The following BAHCC1 variants were observed in gnomAD, a reference collection of about 807,000 sequenced individuals.
BAHCC1 encodes BAH and coiled-coil domain-containing protein 1.
In BAHCC1, 43 loss-of-function variants were observed where a neutral mutation model predicts 88.2. That is an observed-to-expected ratio of 0.49 (90% confidence interval 0.38 to 0.63). The LOEUF (loss-of-function observed/expected upper bound fraction) is 0.63, where lower values mean the gene tolerates loss of function less well. Ranked by LOEUF, BAHCC1 falls within the 20% of genes least tolerant of loss-of-function variation. The pLI is 0.00. For missense variants in BAHCC1, 3,023 were observed against 1,654.8 expected (o/e 1.83, Z -14.34); for synonymous variants, 1,510 against 745.5 (o/e 2.03, Z -16.71).
chr17:81,460,374 G>T lies in BAHCC1; in HGVS notation c.6003G>T (p.Leu2001=), dbSNP rs1466811960. The change falls in exon 24 of 28, where the codon CTG becomes CTT. Residue 2001 remains leucine, a synonymous_variant. Coordinates refer to ENST00000675386, the MANE Select transcript of BAHCC1 (RefSeq NM_001377448.1). ...TCGCCGTCTCCAACGTCAGGCTGCT[G>T]CCCCCTGACTTCAAGATCCAGTGTG... ...GHIAVSNVRL[L]PPDFKIQCTE... 3.9e-6 allele frequency: 3 copies of T among 769,588 alleles called. No homozygotes were observed. Among genetic ancestry groups the T allele is most frequent in the Admixed American group, 1.7e-5 (1 of 57,650 alleles). The allele number at this position is 769,588 out of a possible 1,614,324, so 47.7% of individuals were successfully genotyped here.
rs782452028 is a variant in BAHCC1 at position 81,462,007 on chromosome 17, C to G, written c.7344C>G (p.Pro2448=). ...ENRPKISAFL[P]ARQLWKWSGN... ...GGCCAAAGATCTCAGCCTTCCTGCC[C>G]GCCCGGCAGCTCTGGAAGTGGTCGG... Residue 2448 remains proline, a synonymous_variant, in exon 26 of 28, where the codon CCC becomes CCG. Coordinates refer to ENST00000675386, the MANE Select transcript of BAHCC1 (RefSeq NM_001377448.1). The G allele has an allele frequency of 2.6e-6, 2 of 778,128 alleles. No individual in the cohort carries two copies. The highest frequency in any genetic ancestry group is 2.4e-5 in the East Asian group (1 of 41,222). The allele number at this position is 778,128 out of a possible 1,614,324, so 48.2% of individuals were successfully genotyped here. A position where few individuals can be genotyped will look rare whatever the true frequency, so the allele number is the denominator to read the frequency against.
rs782442860 is a variant in BAHCC1, at chr17:81,460,933, C to T, written c.6270C>T (p.Arg2090=). 3.1e-5 allele frequency: 24 copies of T among 769,832 alleles called. No homozygotes were observed. Among genetic ancestry groups the T allele is most frequent in the Non-Finnish European group, 5.7e-5 (24 of 417,886 alleles). 47.7% of individuals were successfully genotyped at this position (769,832 alleles called of 1,614,324 possible). A position where few individuals can be genotyped will look rare whatever the true frequency, so the allele number is the denominator to read the frequency against. Reference sequence around the variant, plus strand: ...GGGCCTCCGACCACTTCCTGGGCCGCCGTGGCAGCCCCTTGCTGAGCTGGT... The same window carrying T: ...GGGCCTCCGACCACTTCCTGGGCCGTCGTGGCAGCCCCTTGCTGAGCTGGT... The part of the protein sequence containing the change: ...PTGASDHFLG[R]RGSPLLSWSA... Residue 2090 remains arginine, a synonymous_variant, in exon 26 of 28, where the codon CGC becomes CGT. Coordinates refer to ENST00000675386, the MANE Select transcript of BAHCC1 (RefSeq NM_001377448.1).
At position 81,452,704 on chromosome 17, in the gene BAHCC1, TC is replaced by T. The variant is rs567660719; in HGVS notation, c.4317-13del. 2.0e-5 allele frequency: 15 copies of T among 737,116 alleles called. No homozygotes were observed. Among genetic ancestry groups the T allele is most frequent in the Admixed American group, 5.8e-5 (3 of 51,550 alleles). 45.7% of individuals were successfully genotyped at this position (737,116 alleles called of 1,614,324 possible). A position where few individuals can be genotyped will look rare whatever the true frequency, so the allele number is the denominator to read the frequency against. On this transcript the variant is annotated intron_variant, in intron 13 of 27. Transcript: ENST00000675386. Reference sequence around the variant, plus strand: ...TGGGTTGTGCATGAGCCTCTGACCATCCCCCCTGCGGCCCCCAGGAGAGACG... The same window carrying T: ...TGGGTTGTGCATGAGCCTCTGACCATCCCCCTGCGGCCCCCAGGAGAGACG...
chr17:81,461,186 G>C lies in BAHCC1; in HGVS notation c.6523G>C (p.Gly2175Arg). The change falls in exon 26 of 28, where the codon GGC (glycine) becomes CGC (arginine). Residue 2175 changes from glycine to arginine, a missense_variant. Transcript: ENST00000675386. ...GCCCTTCGTCGGGGGGACCGGGCCGGGCCTCCCCAGGGGAGCCCACAAGCT... is the reference window on the plus strand; with the variant it reads ...GCCCTTCGTCGGGGGGACCGGGCCGCGCCTCCCCAGGGGAGCCCACAAGCT... ...YAPFVGGTGP[G>R]LPRGAHKLLR... is the part of the protein sequence containing the mutation. The C allele has an allele frequency of 1.3e-6, 1 of 743,128 alleles. No homozygotes were observed. Among genetic ancestry groups the C allele is most frequent in the Non-Finnish European group, 2.5e-6 (1 of 405,358 alleles). 46.0% of individuals were successfully genotyped at this position (743,128 alleles called of 1,614,324 possible). A position where few individuals can be genotyped will look rare whatever the true frequency, so the allele number is the denominator to read the frequency against.
intron 19 of BAHCC1, 25 bp downstream of exon 19, chr17:81,458,750 C>G (rs782515268): frequency 2.7e-6 from 2 of 744,580 alleles, no homozygotes; most frequent in Non-Finnish European, 5.0e-6. Flanking sequence ...CTCTGGGAGC[C>G]CACTGTGCAC....
Position 81,434,022 on chromosome 17 carries a change from G to A in BAHCC1, c.359-4348G>A, listed in dbSNP as rs1397508704. 4.6e-5 allele frequency among the ~76,000 whole-genome samples: 7 copies of A among 152,184 alleles called. No homozygotes were observed. Among genetic ancestry groups the A allele is most frequent in the South Asian group, 4.1e-4 (2 of 4,826 alleles). On this transcript the variant is annotated intron_variant, in intron 3 of 27. Transcript: ENST00000675386. This position sits in a 1 kb window ranked among gnomAD's most constrained non-coding sequence, Gnocchi z 4.9. ...ACGTCCTGCGTGACAGGGACGATGTGCAGAACCTCAAGAGGAGCAGGGACC... is the reference window on the plus strand; with the variant it reads ...ACGTCCTGCGTGACAGGGACGATGTACAGAACCTCAAGAGGAGCAGGGACC...
chr17:81,447,576 A>T lies in BAHCC1; in HGVS notation c.3704A>T (p.Gln1235Leu), dbSNP rs1555654908. The T allele has an allele frequency of 1.3e-6, 1 of 755,466 alleles. No homozygotes were observed. The highest frequency in any genetic ancestry group is 2.5e-5 in the East Asian group (1 of 40,048). 46.8% of individuals were successfully genotyped at this position (755,466 alleles called of 1,614,324 possible). ...DELEEDELGQ[Q>L]SMEDSEEDCG... ...CTGGAGGAAGACGAGCTGGGGCAGC[A>T]GAGCATGGAGGACTCAGAGGAGGAC... The change falls in exon 11 of 28, where the codon CAG becomes CTG. Residue 1235 changes from glutamine (Q) to leucine (L), a missense_variant. Coordinates refer to ENST00000675386, the MANE Select transcript of BAHCC1 (RefSeq NM_001377448.1).
Position 81,443,313 on chromosome 17 carries a change from T to C in BAHCC1, c.1964T>C (p.Leu655Pro), listed in dbSNP as rs1481262312. ...GGCCAGAAAGCACCCTTGGTGGGCCTGGGTGGCCTCAAGGCCAGCTGCATC... is the reference window on the plus strand; with the variant it reads ...GGCCAGAAAGCACCCTTGGTGGGCCCGGGTGGCCTCAAGGCCAGCTGCATC... Reference protein sequence around the residue: ...VVGQKAPLVGLGGLKASCIQQ... With the variant: ...VVGQKAPLVGPGGLKASCIQQ... The change falls in exon 5 of 28, where the codon CTG (leucine) becomes CCG (proline). Residue 655 changes from leucine to proline, a missense_variant. Coordinates refer to ENST00000675386, the MANE Select transcript of BAHCC1 (RefSeq NM_001377448.1). 1 of 779,080 alleles carries C rather than the reference T, an allele frequency of 1.3e-6. No individual in the cohort carries two copies. The highest frequency in any genetic ancestry group is 1.7e-5 in the African/African-American group (1 of 59,120). The allele number at this position is 779,080 out of a possible 1,614,324, so 48.3% of individuals were successfully genotyped here. A position where few individuals can be genotyped will look rare whatever the true frequency, so the allele number is the denominator to read the frequency against.
chr17:81,443,239 C>G lies in BAHCC1; in HGVS notation c.1890C>G (p.Val630=), dbSNP rs782137269. 4 of 779,386 alleles carry G rather than the reference C, an allele frequency of 5.1e-6. No homozygotes were observed. The highest frequency in any genetic ancestry group is 3.4e-5 in the Admixed American group (2 of 59,022). 48.3% of individuals were successfully genotyped at this position (779,386 alleles called of 1,614,324 possible). A position where few individuals can be genotyped will look rare whatever the true frequency, so the allele number is the denominator to read the frequency against. Residue 630 remains valine, a synonymous_variant, in exon 5 of 28, where the codon GTC becomes GTG. Transcript: ENST00000675386. ...AACTGCCTGCGCCGCCGGACGAGGT[C>G]TCAGCCATGAAGAACCTGCTCAAAT... ...PQELPAPPDE[V]SAMKNLLKYS... is the part of the protein sequence containing the mutation.
chr17:81,436,207 C>T lies in BAHCC1; in HGVS notation c.359-2163C>T, dbSNP rs1215056942. Among the ~76,000 whole-genome samples, 3 of 152,334 alleles carry T rather than the reference C, an allele frequency of 2.0e-5. No homozygotes were observed. The East Asian group carries it at 5.8e-4, about 29-fold the overall frequency. ...AAGCAGGCAAGGATGGGGGCACCAG[C>T]CAGGCCTTTGGTCTTCGGGCCCTGG... On this transcript the variant is annotated intron_variant, in intron 3 of 27. Transcript: ENST00000675386.
intron 14 of BAHCC1, among the ~76,000 whole-genome samples, chr17:81,454,246 G>A (rs1208581061): frequency 5.3e-5 from 8 of 152,340 alleles, no homozygotes; most frequent in Non-Finnish European, 1.0e-4. Flanking sequence ...CCAGGATGTG[G>A]GGGGATCAGG....
intron 13 of BAHCC1, 88 bp from the exon 14 acceptor site, chr17:81,452,635 G>A (rs1443550587): frequency 1.7e-6 from 1 of 587,980 alleles, no homozygotes; most frequent in Non-Finnish European, 3.0e-6. Context: ...ACACCCAGTA[G>A]CCCTCGAAGG....
rs141216895 is a variant in BAHCC1, at chr17:81,413,853, C to T, written c.179-12947C>T. Among the ~76,000 whole-genome samples the T allele has an allele frequency of 3.9e-3, 589 of 152,302 alleles. 6 individuals carry two copies. Among genetic ancestry groups the T allele is most frequent in the African/African-American group, 0.014 (567 of 41,558 alleles). On this transcript the variant is annotated intron_variant, in intron 2 of 27. Coordinates refer to ENST00000675386, the MANE Select transcript of BAHCC1 (RefSeq NM_001377448.1). The stretch of plus-strand genomic sequence containing the variant: ...CAGGGCTCGCTATGGGGTGCTGGGG[C>T]GGCTGTGTCCTCTGGTCTGGGCAGC...
chr17:81,448,626 G>A (rs72853267), intron 11 of BAHCC1, among the ~76,000 whole-genome samples: 10,286 of 152,268 alleles, frequency 0.068, 398 homozygotes, highest in Middle Eastern at 0.12. Flanking sequence ...GGGCTCGGCC[G>A]CTGCTTTCTG....
chr17:81,460,922 T>G lies in BAHCC1; in HGVS notation c.6259T>G (p.Phe2087Val). Residue 2087 changes from phenylalanine (F) to valine (V), a missense_variant, in exon 26 of 28, where the codon TTC becomes GTC. Transcript: ENST00000675386. Reference protein sequence around the residue: ...AKSPTGASDHFLGRRGSPLLS... With the variant: ...AKSPTGASDHVLGRRGSPLLS... ...ATCCCCCACGGGGGCCTCCGACCAC[T>G]TCCTGGGCCGCCGTGGCAGCCCCTT... The G allele has an allele frequency of 2.6e-6, 2 of 769,004 alleles. No homozygotes were observed. Among genetic ancestry groups the G allele is most frequent in the Non-Finnish European group, 4.8e-6 (2 of 417,866 alleles). 47.6% of individuals were successfully genotyped at this position (769,004 alleles called of 1,614,324 possible). A position where few individuals can be genotyped will look rare whatever the true frequency, so the allele number is the denominator to read the frequency against.
At chr17:81,410,056 C>T in intron 2 of BAHCC1, 1 of 359,674 alleles carries the variant, frequency 2.8e-6, no homozygotes, top group South Asian at 1.9e-5. Flanking sequence ...CCTCCTACCT[C>T]TAAAATGGGC....
chr17:81,444,754 C>G lies in BAHCC1; in HGVS notation c.2599C>G (p.Pro867Ala). 1.3e-6 allele frequency: 1 copy of G among 778,738 alleles called. No homozygotes were observed. Among genetic ancestry groups the G allele is most frequent in the Non-Finnish European group, 2.4e-6 (1 of 417,592 alleles). The allele number at this position is 778,738 out of a possible 1,614,324, so 48.2% of individuals were successfully genotyped here. Residue 867 changes from proline (P) to alanine (A), a missense_variant, in exon 8 of 28, where the codon CCA becomes GCA. Pro to Ala is a conservative substitution (Grantham distance 27). Transcript: ENST00000675386. ...AGPVPSVFPLPQDAPTQLVIL... is the reference protein window; with the variant it reads ...AGPVPSVFPLAQDAPTQLVIL... The stretch of plus-strand genomic sequence containing the variant: ...CCCTGTGCCCTCTGTCTTCCCCCTC[C>G]CACAGGACGCCCCCACACAGCTGGT...
intron 3 of BAHCC1, among the ~76,000 whole-genome samples, chr17:81,427,300 T>A (rs1221899281): frequency 3.9e-5 from 6 of 152,066 alleles, no homozygotes; most frequent in African/African-American, 1.4e-4. Flanking sequence ...CCGGCCGGGC[T>A]GGGCTCACCC....
intron 4 of BAHCC1, among the ~76,000 whole-genome samples, chr17:81,440,802 G>A (rs776640755): frequency 2.0e-5 from 3 of 152,102 alleles, no homozygotes; most frequent in East Asian, 3.9e-4. Flanking sequence ...CTCTGCCCCC[G>A]GAGCCACTGG....
Sources: allele counts gnomAD v4.1 joint callset (sites outside exome capture counted in the v4.1 genomes callset), GRCh38; gene constraint gnomAD v4.1.1; non-coding constraint Gnocchi (gnomAD v3.1); transcripts MANE v1.5; gene names NCBI Gene and HGNC (gene_info 2026-07-23, HGNC 2026-07-21).